IFI44: variants seen among roughly 807,000 people sequenced by gnomAD.
IFI44 encodes the protein interferon-induced protein 44.
IFI44 carries 42 observed loss-of-function variants against 45.0 expected under a neutral mutation model. That is an observed-to-expected ratio of 0.93 (90% confidence interval 0.73 to 1.21). The LOEUF (loss-of-function observed/expected upper bound fraction) is 1.21, where lower values mean the gene tolerates loss of function less well. Ranked by LOEUF, IFI44 falls within the 50% of genes most tolerant of loss-of-function variation. The pLI, the probability that IFI44 is intolerant of heterozygous loss-of-function variation, is 0.00. For missense variants in IFI44, 623 were observed against 525.8 expected (o/e 1.18, Z -1.81); for synonymous variants, 221 against 188.6 (o/e 1.17, Z -1.41).
intron 8 of IFI44, 79 bp from the exon 9 acceptor site, chr1:78,663,686 A>G: frequency 6.4e-7 from 1 of 1,565,768 alleles, no homozygotes; most frequent in Non-Finnish European, 8.6e-7. Context: ...TGAGATTTTC[A>G]GTGGTCCAAT....
chr1:78,652,671 A>G (rs757134597), intron 2 of IFI44, among the ~76,000 whole-genome samples: 13 of 152,124 alleles, frequency 8.5e-5, no homozygotes, highest in Admixed American at 2.6e-4. Flanking sequence ...TTTCATTCAT[A>G]TAGTATTCCA....
chr1:78,663,504 T>G lies in IFI44; in HGVS notation c.1289-261T>G, dbSNP rs1647590801. 10 of 984,690 alleles carry G rather than the reference T, an allele frequency of 1.0e-5. 1 individual carries two copies. The highest frequency in any genetic ancestry group is 1.0e-3 in the Middle Eastern group (2 of 1,930). The allele number at this position is 984,690 out of a possible 1,614,324, so 61.0% of individuals were successfully genotyped here. On this transcript the variant is annotated intron_variant, in intron 8 of 8. Coordinates refer to ENST00000370747, the MANE Select transcript of IFI44 (RefSeq NM_006417.5). ...GTTTCAGTTTAGTATACTCAAATCT[T>G]ATTTTAGTGCTTGGGAAATCAATTC...
At position 78,653,017 on chromosome 1, in the gene IFI44, G is replaced by T. The variant is rs114295173; in HGVS notation, c.458-1226G>T. On this transcript the variant is annotated intron_variant, in intron 2 of 8. Transcript: ENST00000370747. The stretch of plus-strand genomic sequence containing the variant: ...ATGTAACTATTTTGGTATATGAGTG[G>T]TGATATGACATTTAGCAAATTTGTC... Among the ~76,000 whole-genome samples, 1,287 of 152,054 alleles carry T rather than the reference G, an allele frequency of 8.5e-3. 23 individuals are homozygous for T. Among genetic ancestry groups the T allele is most frequent in the African/African-American group, 0.03 (1,237 of 41,492 alleles).
intron 8 of IFI44, chr1:78,663,193 T>C: frequency 1.0e-6 from 1 of 985,380 alleles, no homozygotes; most frequent in Non-Finnish European, 1.2e-6. Context: ...TCTCAGACTA[T>C]GTTTCTTTAC....
At chr1:78,654,105 C>T in intron 2 of IFI44, 138 bp from the exon 3 acceptor site, 1 of 650,562 alleles carries the variant, frequency 1.5e-6, no homozygotes, top group Non-Finnish European at 2.7e-6. Flanking sequence ...AAATTGCTCC[C>T]TTTTCACCAT....
chr1:78,662,928 A>G (rs755935076), intron 8 of IFI44, 50 bp downstream of exon 8: 1 of 1,612,350 alleles, frequency 6.2e-7, no homozygotes, highest in Non-Finnish European at 8.5e-7. Context: ...GTAGTTGGCT[A>G]CTTTCTGCTT....
intron 3 of IFI44, among the ~76,000 whole-genome samples, 182 bp from the exon 4 acceptor site, chr1:78,654,832 A>T (rs549145447): frequency 1.3e-5 from 2 of 151,966 alleles, no homozygotes; most frequent in South Asian, 4.2e-4. Context: ...GTTGTGTATT[A>T]TTTTTGCCTT....
Position 78,661,892 on chromosome 1 carries a change from G to A in IFI44, c.1114-812G>A, listed in dbSNP as rs113877719. ...ATGGAGGAAAAGTCAGCATGTTTGG[G>A]AAATGTGGAGTTCAGGTTAGTGAAG... On this transcript the variant is annotated intron_variant, in intron 7 of 8. Transcript: ENST00000370747. Among the ~76,000 whole-genome samples the A allele has an allele frequency of 6.9e-4, 105 of 152,278 alleles. 1 individual carries two copies. The highest frequency in any genetic ancestry group is 2.4e-3 in the African/African-American group (98 of 41,564).
chr1:78,650,227 A>G lies in IFI44; in HGVS notation c.32A>G (p.His11Arg), dbSNP rs111343006. 1 of 1,606,820 alleles carries G rather than the reference A, an allele frequency of 6.2e-7. No individual in the cohort carries two copies. The highest frequency in any genetic ancestry group is 8.5e-7 in the Non-Finnish European group (1 of 1,173,876). Reference protein sequence around the residue: MAVTTRLTWLHEKILQNHFGG... With the variant: MAVTTRLTWLREKILQNHFGG... ...GTGACAACTCGTTTGACATGGTTGC[A>G]CGAAAAGATCCTGCAAAATCATTTT... The change falls in exon 2 of 9, where the codon CAC (histidine) becomes CGC (arginine). Residue 11 changes from histidine to arginine, a missense_variant. Transcript: ENST00000370747.
intron 5 of IFI44, among the ~76,000 whole-genome samples, chr1:78,658,338 G>A (rs273249): frequency 0.95 from 144,369 of 152,156 alleles, 68,558 homozygotes; most frequent in African/African-American, 0.99. Context: ...ACTTAATATC[G>A]TTTCATATAA....
Position 78,650,592 on chromosome 1 carries a change from C to A in IFI44, c.397C>A (p.Leu133Ile), listed in dbSNP as rs903569372. ...VIMDLKTMEN[L>I]GLAQNCTISI... Reference sequence around the variant, plus strand: ...TATGGACTTAAAGACAATGGAAAATCTTGGACTTGCTCAAAATTGTACTAT... The same window carrying A: ...TATGGACTTAAAGACAATGGAAAATATTGGACTTGCTCAAAATTGTACTAT... The change falls in exon 2 of 9, where the codon CTT becomes ATT. Residue 133 changes from leucine (L) to isoleucine (I), a missense_variant. Leu to Ile is a conservative substitution (Grantham distance 5). Transcript: ENST00000370747. The A allele has an allele frequency of 1.9e-6, 3 of 1,610,594 alleles. No homozygotes were observed. The highest frequency in any genetic ancestry group is 1.3e-5 in the African/African-American group (1 of 74,776).
intron 2 of IFI44, among the ~76,000 whole-genome samples, chr1:78,651,487 C>G (rs1039369552): frequency 6.6e-6 from 1 of 152,146 alleles, no homozygotes; most frequent in Non-Finnish European, 1.5e-5. Context: ...GCTGTAAATA[C>G]AGATGAAGCT....
chr1:78,654,903 A>C (rs1000505940), intron 3 of IFI44, 111 bp from the exon 4 acceptor site: 3 of 840,684 alleles, frequency 3.6e-6, no homozygotes, highest in African/African-American at 3.5e-5. Flanking sequence ...GTAAGAAGTC[A>C]AGTTGCTAAT....
At position 78,650,402 on chromosome 1, in the gene IFI44, C is replaced by T; in HGVS notation, c.207C>T (p.Tyr69=). The T allele has an allele frequency of 1.2e-6, 2 of 1,613,826 alleles. No homozygotes were observed. The highest frequency in any genetic ancestry group is 1.1e-5 in the South Asian group (1 of 91,078). Residue 69 remains tyrosine (Y), a synonymous_variant, in exon 2 of 9, where the codon TAC becomes TAT. Transcript: ENST00000370747. ...HIIGAYAEES[Y]QEGKYASIIL... is the part of the protein sequence containing the mutation. ...TTGGAGCATATGCAGAAGAGAGTTA[C>T]CAGGAAGGAAAGTATGCTTCCATCA...
rs1647192474 is a variant in IFI44 at position 78,655,474 on chromosome 1, T to C, written c.803T>C (p.Phe268Ser). The C allele has an allele frequency of 6.2e-7, 1 of 1,613,526 alleles. No individual in the cohort carries two copies. Among genetic ancestry groups the C allele is most frequent in the Non-Finnish European group, 8.5e-7 (1 of 1,179,752 alleles). Residue 268 changes from phenylalanine (F) to serine (S), a missense_variant, in exon 5 of 9, where the codon TTC (phenylalanine) becomes TCC (serine). Physicochemically the swap from Phe to Ser is radical, Grantham distance 155. Transcript: ENST00000370747. ...GGCGGCCTGTGCAGGGATGACATAT[T>C]CTATATCTTGAACGGTAACATTCGT... ...KEGGLCRDDI[F>S]YILNGNIRDR...
At position 78,649,862 on chromosome 1, in the gene IFI44, G is replaced by GCAGCTA. The variant is rs1435208440; in HGVS notation, c.-52_-47dup. On this transcript the variant is annotated 5_prime_UTR_variant, in exon 1 of 9. Coordinates refer to ENST00000370747, the MANE Select transcript of IFI44 (RefSeq NM_006417.5). The stretch of plus-strand genomic sequence containing the variant: ...GTGCCTGCCTAGCTATCCAGACAGA[G>GCAGCTA]CAGCTACCCTCAGCTCTAGCTGATA... The GCAGCTA allele has an allele frequency of 6.0e-6, 1 of 167,462 alleles. No homozygotes were observed. Among genetic ancestry groups the GCAGCTA allele is most frequent in the Non-Finnish European group, 1.3e-5 (1 of 78,188 alleles). 10.4% of individuals were successfully genotyped at this position (167,462 alleles called of 1,614,324 possible). A position where few individuals can be genotyped will look rare whatever the true frequency, so the allele number is the denominator to read the frequency against.
rs539309988 is a variant in IFI44 at position 78,659,879 on chromosome 1, C to T, written c.1012+396C>T. Among the ~76,000 whole-genome samples the T allele has an allele frequency of 5.9e-5, 9 of 152,074 alleles. No homozygotes were observed. The East Asian group carries it at 7.7e-4, about 13-fold the overall frequency. The stretch of plus-strand genomic sequence containing the variant: ...TTAGAAAATGAAGAAGAAACATTTC[C>T]GAAAGGAAAAGAAACAGGAAGGTAA... On this transcript the variant is annotated intron_variant, in intron 6 of 8. Coordinates refer to ENST00000370747, the MANE Select transcript of IFI44 (RefSeq NM_006417.5).
chr1:78,655,569 A>G (rs534846663), intron 5 of IFI44, 58 bp downstream of exon 5: 41 of 1,433,432 alleles, frequency 2.9e-5, no homozygotes, highest in Non-Finnish European at 3.8e-5. Flanking sequence ...TTTTTGTACA[A>G]ATGTATCAGC....
chr1:78,654,424 A>G (rs1647173053), intron 3 of IFI44, 145 bp downstream of exon 3: 1 of 528,790 alleles, frequency 1.9e-6, no homozygotes, highest in South Asian at 2.8e-5. Context: ...TAATCATAAA[A>G]TATTTGATAA....
Sources: gnomAD v4.1 joint callset for allele counts (sites outside exome capture counted in the v4.1 genomes callset) on GRCh38, gnomAD v4.1.1 for gene constraint, MANE v1.5 for transcripts, NCBI Gene and HGNC (gene_info 2026-07-23, HGNC 2026-07-21) for gene names.